Variants in PKM observed in about 807,000 individuals in gnomAD.
The protein encoded by PKM is pyruvate kinase M1/2.
A neutral mutation model predicts 49.8 loss-of-function variants in PKM; 18 were observed. The observed-to-expected ratio is 0.36, with a 90% CI of 0.25 to 0.54. The LOEUF is 0.54. Among genes scored for constraint, PKM ranks in the 20% least tolerant of loss-of-function variants. The pLI, the probability that PKM is intolerant of heterozygous loss-of-function variation, is 0.89. For synonymous variants in PKM, 239 were observed against 261.8 expected, an observed-to-expected ratio of 0.91 and a Z score of 0.84; for missense variants, 508 against 713.8, an observed-to-expected ratio of 0.71 and a Z score of 3.28.
At chr15:72,229,585 C>T in intron 1 of PKM, 1 of 1,287,492 alleles carries the variant, frequency 7.8e-7, no homozygotes, top group South Asian at 1.2e-5. Context: ...CTGGAAGGTG[C>T]TTTCCTGCAT....
chr15:72,207,544 G>C (rs147668154), intron 6 of PKM, among the ~76,000 whole-genome samples: 106 of 152,332 alleles, frequency 7.0e-4, no homozygotes, highest in Non-Finnish European at 1.2e-3. Context: ...AATCCAAATG[G>C]GCTCATTCCC....
In PKM at chr15:72,200,831, C is replaced by G. The variant is rs1335288398; in HGVS notation, c.1308-176G>C. The stretch of plus-strand genomic sequence containing the variant: ...GGGCAGCCCCTCATCCTATATCCCC[C>G]ACAGCATGCTAGGTTACCATTTGCC... On this transcript the variant is annotated intron_variant, in intron 9 of 10. Transcript: ENST00000335181. This position sits in a 1 kb window ranked among gnomAD's most constrained non-coding sequence, Gnocchi z 4.6. The G allele has an allele frequency of 3.4e-6, 2 of 596,140 alleles. No homozygotes were observed. The highest frequency in any genetic ancestry group is 6.0e-6 in the Non-Finnish European group (2 of 336,096). 36.9% of individuals were successfully genotyped at this position (596,140 alleles called of 1,614,324 possible). A position where few individuals can be genotyped will look rare whatever the true frequency, so the allele number is the denominator to read the frequency against.
At position 72,202,614 on chromosome 15, in the gene PKM, G is replaced by A. The variant is rs370289690; in HGVS notation, c.1147C>T (p.Arg383Cys). The A allele has an allele frequency of 1.6e-4, 254 of 1,612,392 alleles. No homozygotes were observed. The highest frequency in any genetic ancestry group is 5.3e-4 in the Admixed American group (32 of 59,848). ...TGGTAGATGGCAGCCTCTGCCTCAC[G>A]GGCAATCTAGGGGAGCAACATCCGT... ...EAVRMQHLIAREAEAAIYHLQ... is the reference protein window; with the variant it reads ...EAVRMQHLIACEAEAAIYHLQ... The change falls in exon 9 of 11, where the codon CGT becomes TGT. Residue 383 changes from arginine (R) to cysteine (C), a missense_variant. Arg to Cys is a radical substitution (Grantham distance 180, BLOSUM62 -3). Coordinates refer to ENST00000335181, the MANE Select transcript of PKM (RefSeq NM_002654.6). This position sits in a 1 kb window ranked among gnomAD's most constrained non-coding sequence, Gnocchi z 4.5.
intron 9 of PKM, chr15:72,201,131 G>C (rs2081936480): frequency 6.4e-6 from 1 of 157,194 alleles, no homozygotes; most frequent in African/African-American, 2.4e-5. Context: ...TCAACATCAG[G>C]CTTCTCTACT....
At chr15:72,208,596 T>C in intron 6 of PKM, 25 bp downstream of exon 6, 1 of 1,613,710 alleles carries the variant, frequency 6.2e-7, no homozygotes, top group Non-Finnish European at 8.5e-7. Context: ...GCGCTGGGAC[T>C]GGAGCAGGGA....
chr15:72,207,509 T>C (rs8192414), intron 6 of PKM, among the ~76,000 whole-genome samples: 26 of 152,318 alleles, frequency 1.7e-4, no homozygotes, highest in African/African-American at 5.5e-4. Flanking sequence ...GGATGCTTCA[T>C]TGACGGAAGA....
intron 2 of PKM, among the ~76,000 whole-genome samples, chr15:72,218,020 T>C (rs569071427): frequency 6.6e-6 from 1 of 152,384 alleles, no homozygotes; most frequent in Middle Eastern, 3.4e-3. Flanking sequence ...GGATACAATG[T>C]GGAATAATTA....
chr15:72,224,639 G>C (rs540929053), intron 1 of PKM, among the ~76,000 whole-genome samples: 101 of 152,232 alleles, frequency 6.6e-4, no homozygotes, highest in African/African-American at 2.4e-3. Context: ...GAGGCGGGCA[G>C]ATCACTTGAG....
chr15:72,208,249 C>T (rs888404291), intron 6 of PKM, among the ~76,000 whole-genome samples: 1 of 152,162 alleles, frequency 6.6e-6, no homozygotes, highest in East Asian at 1.9e-4. Flanking sequence ...TGTCTGCTGT[C>T]ATCTTTCCCC....
intron 10 of PKM, 45 bp from the exon 11 acceptor site, chr15:72,199,801 C>G (rs576211746): frequency 7.3e-7 from 1 of 1,365,708 alleles, no homozygotes; most frequent in East Asian, 2.3e-5. Flanking sequence ...CCAAGCCAGG[C>G]AGGTTTGCAC....
At chr15:72,216,722 A>G (rs1005029737) in intron 3 of PKM, among the ~76,000 whole-genome samples, 6 of 152,372 alleles carry the variant, frequency 3.9e-5, no homozygotes, top group African/African-American at 1.4e-4. Context: ...GAATGGAGCC[A>G]TCCCAACAGC....
At position 72,231,142 on chromosome 15, in the gene PKM, G is replaced by A. The variant is rs776975376; in HGVS notation, c.-40C>T. ...TCCGGCGCTGACCGACTCGGGCTAC[G>A]CTGCAAAGACGAAGAGATCCGGAGC... On this transcript the variant is annotated 5_prime_UTR_variant, in exon 1 of 11. Coordinates refer to ENST00000335181, the MANE Select transcript of PKM (RefSeq NM_002654.6). The A allele has an allele frequency of 3.1e-6, 1 of 318,798 alleles. No individual in the cohort carries two copies. Among genetic ancestry groups the A allele is most frequent in the South Asian group, 2.3e-5 (1 of 43,074 alleles). 19.7% of individuals were successfully genotyped at this position (318,798 alleles called of 1,614,324 possible).
At chr15:72,218,712 C>T (rs555539856) in intron 2 of PKM, among the ~76,000 whole-genome samples, 2 of 152,132 alleles carry the variant, frequency 1.3e-5, no homozygotes, top group East Asian at 1.9e-4. Context: ...CACCATACCT[C>T]GCCATCTTAG....
chr15:72,221,130 T>A, intron 1 of PKM: 2 of 1,202,048 alleles, frequency 1.7e-6, no homozygotes, highest in South Asian at 1.3e-5. Context: ...GGTCTTCCTG[T>A]AAAGACCTGG....
chr15:72,199,162 A>G lies in PKM; in HGVS notation c.*488T>C. The G allele has an allele frequency of 3.0e-6, 1 of 335,132 alleles. No homozygotes were observed. Among genetic ancestry groups the G allele is most frequent in the South Asian group, 2.4e-5 (1 of 42,490 alleles). 20.8% of individuals were successfully genotyped at this position (335,132 alleles called of 1,614,324 possible). ...CAGGACAGCTGAGTGGAGGGTGGGGACAGGTGCAAACTGGAGAGGCCTAGA... is the reference window on the plus strand; with the variant it reads ...CAGGACAGCTGAGTGGAGGGTGGGGGCAGGTGCAAACTGGAGAGGCCTAGA... On this transcript the variant is annotated 3_prime_UTR_variant, in exon 11 of 11. Coordinates refer to ENST00000335181, the MANE Select transcript of PKM (RefSeq NM_002654.6).
intron 9 of PKM, chr15:72,201,571 G>C (rs889438098): frequency 6.6e-6 from 1 of 152,384 alleles, no homozygotes; most frequent in Admixed American, 6.5e-5. Flanking sequence ...AGGACCAGCT[G>C]AGTGAAACCC....
chr15:72,215,751 T>C (rs1158824630), intron 3 of PKM, among the ~76,000 whole-genome samples: 1 of 152,192 alleles, frequency 6.6e-6, no homozygotes, highest in Admixed American at 6.5e-5. Context: ...AATCTATTTC[T>C]GCTCCTTCCC....
Position 72,200,130 on chromosome 15 carries a change from T to G in PKM, c.1489+344A>C, listed in dbSNP as rs538886937. On this transcript the variant is annotated intron_variant, in intron 10 of 10. Transcript: ENST00000335181. This position sits in a 1 kb window ranked among gnomAD's most constrained non-coding sequence, Gnocchi z 4.6. ...AGCACAGGAGCTGTGGCCAATTTTA[T>G]TTAAAAAAAAAACAAAAAACAAAAA... 2.0e-5 allele frequency among the ~76,000 whole-genome samples: 3 copies of G among 151,118 alleles called. No individual in the cohort carries two copies. Among genetic ancestry groups the G allele is most frequent in the Non-Finnish European group, 4.4e-5 (3 of 67,808 alleles).
rs56863670 is a variant in PKM at position 72,200,292 on chromosome 15, G to C, written c.1489+182C>G. ...CCCTCCTGGCTCAGCTTAGGACTTC[G>C]GAGAATGAGAGATTCAGAATGAACA... On this transcript the variant is annotated intron_variant, in intron 10 of 10. Transcript: ENST00000335181. The surrounding 1 kb of genome is among the most constrained non-coding windows in gnomAD (Gnocchi z 4.6). 6.6e-6 allele frequency among the ~76,000 whole-genome samples: 1 copy of C among 152,148 alleles called. No individual in the cohort carries two copies. Among genetic ancestry groups the C allele is most frequent in the African/African-American group, 2.4e-5 (1 of 41,406 alleles).
Sources: gnomAD v4.1 joint callset for allele counts (sites outside exome capture counted in the v4.1 genomes callset) on GRCh38, gnomAD v4.1.1 for gene constraint, Gnocchi (gnomAD v3.1) non-coding constraint, MANE v1.5 for transcripts, NCBI Gene and HGNC (gene_info 2026-07-23, HGNC 2026-07-21) for gene names.